TSPAN8: variants seen among roughly 807,000 people sequenced by gnomAD.
TSPAN8 encodes tetraspanin-8.
Under a neutral mutation model 32.8 loss-of-function variants are expected in TSPAN8, and 21 were observed. That is an observed-to-expected ratio of 0.64 (90% confidence interval 0.45 to 0.92). The LOEUF (loss-of-function observed/expected upper bound fraction) is 0.92. Ranked by LOEUF, TSPAN8 falls within the 40% of genes least tolerant of loss-of-function variation. The pLI is 0.00. For missense variants in TSPAN8, 269 were observed against 281.9 expected (o/e 0.95, Z 0.33); for synonymous variants, 95 against 94.6 (o/e 1.00, Z -0.03).
intron 7 of TSPAN8, among the ~76,000 whole-genome samples, chr12:71,129,799 CTT>C (rs1871462009): frequency 6.6e-6 from 1 of 151,894 alleles, no homozygotes; most frequent in South Asian, 2.1e-4. Flanking sequence ...ATAATTTTAT[CTT>C]AACTTTATTC....
intron 7 of TSPAN8, among the ~76,000 whole-genome samples, chr12:71,130,123 T>C (rs902206552): frequency 2.0e-5 from 3 of 152,032 alleles, no homozygotes; most frequent in African/African-American, 7.2e-5. Flanking sequence ...TGGCTAATTT[T>C]TGTTGTGTTT....
chr12:71,133,168 C>A (rs887063634), intron 6 of TSPAN8, among the ~76,000 whole-genome samples: 1 of 152,096 alleles, frequency 6.6e-6, no homozygotes, highest in Non-Finnish European at 1.5e-5. Context: ...ACTGCAACCT[C>A]CAACTCCCTG....
At chr12:71,127,624 CAAATA>C (rs757901969) in intron 8 of TSPAN8, among the ~76,000 whole-genome samples, 31 of 152,126 alleles carry the variant, frequency 2.0e-4, no homozygotes, top group East Asian at 5.8e-4. Flanking sequence ...TTTAGAAGAA[CAAATA>C]AAATATTTAA....
chr12:71,153,088 T>G (rs1872310047), intron 2 of TSPAN8, among the ~76,000 whole-genome samples: 1 of 152,154 alleles, frequency 6.6e-6, no homozygotes, highest in Non-Finnish European at 1.5e-5. Context: ...AACTGGCCTC[T>G]CTATAGCTCT....
chr12:71,125,490 T>C, intron 8 of TSPAN8, 103 bp from the exon 9 acceptor site: 1 of 968,570 alleles, frequency 1.0e-6, no homozygotes, highest in East Asian at 2.5e-5. Flanking sequence ...TTTTGTATAT[T>C]GACAGTTCCA....
chr12:71,130,788 T>C (rs1252941652), intron 7 of TSPAN8, among the ~76,000 whole-genome samples: 1 of 152,166 alleles, frequency 6.6e-6, no homozygotes, highest in Non-Finnish European at 1.5e-5. Flanking sequence ...TTCAGGGGTT[T>C]TTCTCTTCCT....
chr12:71,147,071 T>C (rs1872099736), intron 2 of TSPAN8, among the ~76,000 whole-genome samples: 1 of 152,106 alleles, frequency 6.6e-6, no homozygotes, highest in Non-Finnish European at 1.5e-5. Context: ...ACCTTAATCT[T>C]AGCCTTCCTA....
At chr12:71,127,454 A>G (rs1324655514) in intron 8 of TSPAN8, among the ~76,000 whole-genome samples, 2 of 152,136 alleles carry the variant, frequency 1.3e-5, no homozygotes, top group Non-Finnish European at 2.9e-5. Context: ...AATTATTTGA[A>G]CCAACTATTT....
rs117672266 is a variant in TSPAN8, at chr12:71,150,528, G to A, written c.61-6315C>T. On this transcript the variant is annotated intron_variant, in intron 2 of 8. Coordinates refer to ENST00000247829, the MANE Select transcript of TSPAN8 (RefSeq NM_004616.3). ...CCTACTGATATGTAATGTCACCCCC[G>A]GCAGCCCAGCTGTAAAATTCTTCTC... 9.3e-3 allele frequency among the ~76,000 whole-genome samples: 1,414 copies of A among 152,114 alleles called. 11 individuals carry two copies. Among genetic ancestry groups the A allele is most frequent in the Middle Eastern group, 0.017 (5 of 294 alleles).
chr12:71,137,129 A>G (rs1007642343), intron 6 of TSPAN8, among the ~76,000 whole-genome samples: 2 of 152,096 alleles, frequency 1.3e-5, no homozygotes, highest in Non-Finnish European at 2.9e-5. Flanking sequence ...ATTTTTTAAA[A>G]GGTAGCCAGG....
At position 71,157,751 on chromosome 12, in the gene TSPAN8, T is replaced by C. The variant is rs1753168917; in HGVS notation, c.-73A>G. On this transcript the variant is annotated 5_prime_UTR_variant, in exon 2 of 9. Coordinates refer to ENST00000247829, the MANE Select transcript of TSPAN8 (RefSeq NM_004616.3). ...TACAGGCTTGTCCTGCAATATGCTC[T>C]GGAGCAACTTGCCTGCAGAGATTTC... The C allele has an allele frequency of 8.6e-7, 1 of 1,157,372 alleles. No homozygotes were observed. Among genetic ancestry groups the C allele is most frequent in the Non-Finnish European group, 1.3e-6 (1 of 770,128 alleles). The allele number at this position is 1,157,372 out of a possible 1,614,324, so 71.7% of individuals were successfully genotyped here.
At position 71,129,419 on chromosome 12, in the gene TSPAN8, TAAAA is replaced by T; in HGVS notation, c.577-9_577-6del. 3 of 1,384,564 alleles carry T rather than the reference TAAAA, an allele frequency of 2.2e-6. No homozygotes were observed. The highest frequency in any genetic ancestry group is 2.9e-6 in the Non-Finnish European group (3 of 1,031,984). The allele number at this position is 1,384,564 out of a possible 1,614,324, so 85.8% of individuals were successfully genotyped here. ...TTTTATGAAAGAAATACAGGTCTGT[TAAAA>T]AAAAAAAACATTAAAAGTTACCTCT... On this transcript the variant is annotated splice_region_variant and splice_polypyrimidine_tract_variant and intron_variant, in intron 7 of 8. Coordinates refer to ENST00000247829, the MANE Select transcript of TSPAN8 (RefSeq NM_004616.3).
intron 2 of TSPAN8, among the ~76,000 whole-genome samples, chr12:71,151,945 G>A (rs1207826712): frequency 6.6e-6 from 1 of 152,150 alleles, no homozygotes; most frequent in African/African-American, 2.4e-5. Flanking sequence ...TCAGAGTAGG[G>A]CTAAAATTAT....
intron 8 of TSPAN8, among the ~76,000 whole-genome samples, chr12:71,129,027 G>C (rs12367470): frequency 0.32 from 48,317 of 151,880 alleles, 8,524 homozygotes; most frequent in Non-Finnish European, 0.41. Flanking sequence ...TTTTCAGTGG[G>C]AAAAATATAC....
At chr12:71,148,747 T>A (rs1872152188) in intron 2 of TSPAN8, among the ~76,000 whole-genome samples, 1 of 152,264 alleles carries the variant, frequency 6.6e-6, no homozygotes, top group Non-Finnish European at 1.5e-5. Flanking sequence ...TCTATGTCAC[T>A]GTCTTTATTT....
At chr12:71,157,878 C>G (rs1207887820) in intron 1 of TSPAN8, 52 bp downstream of exon 1, 2 of 562,706 alleles carry the variant, frequency 3.6e-6, no homozygotes, top group Non-Finnish European at 6.3e-6. Flanking sequence ...ATTTAAATAT[C>G]GCAAAGGCTA....
At chr12:71,141,476 G>T (rs1871902308) in intron 3 of TSPAN8, among the ~76,000 whole-genome samples, 5 of 152,188 alleles carry the variant, frequency 3.3e-5, no homozygotes, top group African/African-American at 1.2e-4. Context: ...CCTATGAGAG[G>T]ATGGAAGCCT....
chr12:71,139,406 T>C, intron 4 of TSPAN8: 1 of 514,232 alleles, frequency 1.9e-6, no homozygotes, highest in Non-Finnish European at 3.4e-6. Context: ...CCCTAGTAGG[T>C]TCTAAAGGTC....
chr12:71,155,185 C>T (rs1249869702), intron 2 of TSPAN8, among the ~76,000 whole-genome samples: 1 of 152,046 alleles, frequency 6.6e-6, no homozygotes, highest in Non-Finnish European at 1.5e-5. Flanking sequence ...GAAAGTGTTC[C>T]AGCTAATAAA....
Sources: allele counts gnomAD v4.1 joint callset (sites outside exome capture counted in the v4.1 genomes callset), GRCh38; gene constraint gnomAD v4.1.1; transcripts MANE v1.5; gene names NCBI Gene and HGNC (gene_info 2026-07-23, HGNC 2026-07-21).